The following CD99L2 variants were observed in gnomAD, a reference collection of about 807,000 sequenced individuals.
The protein encoded by CD99L2 is CD99 antigen-like protein 2.
Under a neutral mutation model 27.3 loss-of-function variants are expected in CD99L2, and 24 were observed. The observed-to-expected ratio is 0.88, with a 90% CI of 0.64 to 1.24. The LOEUF (loss-of-function observed/expected upper bound fraction) is 1.24, where lower values mean the gene tolerates loss of function less well. Ranked by LOEUF, CD99L2 falls within the 50% of genes most tolerant of loss-of-function variation. The probability of loss-of-function intolerance (pLI) is 0.00; values close to 1 mark genes in which losing one functional copy is unlikely to be tolerated. For missense variants in CD99L2, 255 were observed against 221.6 expected (o/e 1.15, Z -0.96); for synonymous variants, 97 against 87.9 (o/e 1.10, Z -0.58).
chrX:150,824,443 GA>G (rs2046318097), intron 2 of CD99L2, among the ~76,000 whole-genome samples: 3 of 79,835 alleles, frequency 3.8e-5, no homozygotes, highest in African/African-American at 8.8e-5. Flanking sequence ...GAAGAAAGAA[GA>G]AAGAAGAAGA....
chrX:150,814,875 A>G lies in CD99L2; in HGVS notation c.264T>C (p.Gly88=). 1.7e-6 allele frequency: 2 copies of G among 1,208,963 alleles called. No homozygotes were observed. The highest frequency in any genetic ancestry group is 2.2e-6 in the Non-Finnish European group (2 of 893,580). Residue 88 remains glycine (G), a synonymous_variant, in exon 4 of 11, where the codon GGT becomes GGC. Transcript: ENST00000370377. The part of the protein sequence containing the change: ...DDQDDGRRKP[G]IGGRERWNHV... ...GCAAAGACTTACCTCTTCCTCCTAT[A>G]CCCGGTTTCCTGCGGCCATCATCTT...
intron 4 of CD99L2, among the ~76,000 whole-genome samples, chrX:150,797,336 T>C (rs1005026795): frequency 8.9e-6 from 1 of 112,110 alleles, no homozygotes; most frequent in African/African-American, 3.2e-5. Flanking sequence ...CTTGTAACCA[T>C]TAAAAGAATA....
At chrX:150,837,811 C>G (rs1261743102) in intron 1 of CD99L2, among the ~76,000 whole-genome samples, 1 of 112,317 alleles carries the variant, frequency 8.9e-6, no homozygotes, top group Non-Finnish European at 1.9e-5. Flanking sequence ...ATCTCTCATA[C>G]AGAATAATTC....
At chrX:150,809,370 C>T (rs782180664) in intron 4 of CD99L2, among the ~76,000 whole-genome samples, 2 of 111,942 alleles carry the variant, frequency 1.8e-5, no homozygotes, top group Non-Finnish European at 3.8e-5. Context: ...GACCCAGCTA[C>T]GTAGGACCCA....
chrX:150,771,080 C>T (rs1392432940), intron 9 of CD99L2, among the ~76,000 whole-genome samples: 1 of 112,400 alleles, frequency 8.9e-6, no homozygotes, highest in Non-Finnish European at 1.9e-5. Flanking sequence ...ACCCCTGCTG[C>T]TGCTTGCAGA....
intron 1 of CD99L2, among the ~76,000 whole-genome samples, chrX:150,865,003 C>T (rs6627816): frequency 9.3e-6 from 1 of 107,903 alleles, no homozygotes; most frequent in Non-Finnish European, 1.9e-5. Context: ...GAGGCAGAGG[C>T]TGCATTTGGT....
At chrX:150,805,801 T>C (rs2045985198) in intron 4 of CD99L2, among the ~76,000 whole-genome samples, 1 of 111,790 alleles carries the variant, frequency 8.9e-6, no homozygotes. Flanking sequence ...CAAAACAGTA[T>C]ATACTCTGTG....
intron 7 of CD99L2, among the ~76,000 whole-genome samples, chrX:150,789,463 GTA>G (rs1179771645): frequency 1.8e-5 from 2 of 111,870 alleles, no homozygotes; most frequent in African/African-American, 6.5e-5. Context: ...CCTTTATCAG[GTA>G]TATGATTTTG....
At chrX:150,787,888 GTA>G (rs527795783) in intron 7 of CD99L2, among the ~76,000 whole-genome samples, 10,342 of 63,238 alleles carry the variant, frequency 0.16, 918 homozygotes, top group Admixed American at 0.25. Flanking sequence ...AGAACTTAAA[GTA>G]TATATATATA....
At chrX:150,797,990 C>T (rs1212056338) in intron 4 of CD99L2, among the ~76,000 whole-genome samples, 1 of 100,107 alleles carries the variant, frequency 1.0e-5, no homozygotes, top group Non-Finnish European at 2.0e-5. Context: ...TGCAGTGAGC[C>T]GTGACCACAC....
chrX:150,787,888 GTATATATATA>G (rs527795783), intron 7 of CD99L2, among the ~76,000 whole-genome samples: 1,943 of 63,820 alleles, frequency 0.03, 73 homozygotes, highest in East Asian at 0.1. Context: ...AGAACTTAAA[GTATATATATA>G]TATATATATA....
chrX:150,841,245 G>A (rs992773350), intron 1 of CD99L2, among the ~76,000 whole-genome samples: 7 of 111,457 alleles, frequency 6.3e-5, no homozygotes, highest in Non-Finnish European at 1.3e-4. Flanking sequence ...TGGCATGCAA[G>A]AGATCTCCAC....
intron 1 of CD99L2, among the ~76,000 whole-genome samples, chrX:150,885,380 AAAAAC>A (rs1557422593): frequency 9.3e-6 from 1 of 107,785 alleles, no homozygotes; most frequent in Non-Finnish European, 1.9e-5. Context: ...ACAACAACAA[AAAAAC>A]AACAACAACA....
chrX:150,788,809 T>C (rs782412928), intron 7 of CD99L2, among the ~76,000 whole-genome samples: 2 of 111,979 alleles, frequency 1.8e-5, no homozygotes, highest in South Asian at 7.5e-4. Flanking sequence ...CAAGTCTATG[T>C]TGAACTTTAC....
At chrX:150,866,472 C>A (rs782704840) in intron 1 of CD99L2, among the ~76,000 whole-genome samples, 1 of 111,175 alleles carries the variant, frequency 9.0e-6, no homozygotes, top group Non-Finnish European at 1.9e-5. Context: ...GTGGCTCATG[C>A]CTGTAATCTC....
chrX:150,841,750 A>ACAGACT (rs1226457549), intron 1 of CD99L2, among the ~76,000 whole-genome samples: 1 of 111,657 alleles, frequency 9.0e-6, no homozygotes, highest in African/African-American at 3.3e-5. Flanking sequence ...CTTGGATTCA[A>ACAGACT]CAGACTCAAA....
At chrX:150,798,163 G>A (rs2045833414) in intron 4 of CD99L2, among the ~76,000 whole-genome samples, 1 of 18,997 alleles carries the variant, frequency 5.3e-5, no homozygotes, top group African/African-American at 2.2e-4. Flanking sequence ...AGGGAGGGAG[G>A]AAAGGAAGGA....
At chrX:150,776,347 G>A (rs190311433) in intron 8 of CD99L2, 54 bp from the exon 9 acceptor site, 13 of 1,129,961 alleles carry the variant, frequency 1.2e-5, no homozygotes, top group East Asian at 3.3e-5. Flanking sequence ...ACAAAGCACC[G>A]CAGGGAGCAG....
intron 2 of CD99L2, among the ~76,000 whole-genome samples, chrX:150,827,101 C>A (rs2046378224): frequency 9.0e-6 from 1 of 110,920 alleles, no homozygotes; most frequent in Non-Finnish European, 1.9e-5. Context: ...TAGCAGCAAG[C>A]CGGCACTCAA....
Sources: allele counts gnomAD v4.1 joint callset (sites outside exome capture counted in the v4.1 genomes callset), GRCh38; gene constraint gnomAD v4.1.1; transcripts MANE v1.5; gene names NCBI Gene and HGNC (gene_info 2026-07-23, HGNC 2026-07-21).